The following NUGGC variants were observed in gnomAD, a reference collection of about 807,000 sequenced individuals.
NUGGC encodes nuclear GTPase SLIP-GC.
NUGGC carries 58 observed loss-of-function variants against 92.6 expected under a neutral mutation model. The observed-to-expected ratio is 0.63, with a 90% CI of 0.51 to 0.78. NUGGC has a LOEUF of 0.78. Ranked by LOEUF, NUGGC falls within the 30% of genes least tolerant of loss-of-function variation. The pLI is 0.00. For synonymous variants in NUGGC, 376 were observed against 366.4 expected, an observed-to-expected ratio of 1.03 and a Z score of -0.30; for missense variants, 925 against 964.6, an observed-to-expected ratio of 0.96 and a Z score of 0.54.
chr8:28,031,281 T>A lies in NUGGC; in HGVS notation c.1870A>T (p.Lys624Ter), dbSNP rs759158439. 1 of 1,613,926 alleles carries A rather than the reference T, an allele frequency of 6.2e-7. No homozygotes were observed. Among genetic ancestry groups the A allele is most frequent in the African/African-American group, 1.3e-5 (1 of 74,948 alleles). Reference protein sequence around the residue: ...MTEIGIRSGWKYDSCKKNFLI... With the variant: ...MTEIGIRSGW ...AAATTTTTTTTGCAGCTATCATATT[T>A]CCAGCCACTTCTTATCCCAATTTCT... Residue 624 changes from lysine (K) to a stop codon, truncating the protein, a stop_gained, in exon 15 of 19, where the codon AAA becomes TAA. Coordinates refer to ENST00000413272, the MANE Select transcript of NUGGC (RefSeq NM_001010906.2). LOFTEE classifies it high-confidence loss of function.
At position 28,023,314 on chromosome 8, in the gene NUGGC, G is replaced by T. The variant is rs775199896; in HGVS notation, c.*3C>A. 2 of 1,612,760 alleles carry T rather than the reference G, an allele frequency of 1.2e-6. No homozygotes were observed. The highest frequency in any genetic ancestry group is 3.3e-5 in the Admixed American group (2 of 59,836). Reference sequence around the variant, plus strand: ...TTCATCCATTGGGACTAAGCCCCAGGAGTTACAGTGATGTCCCGGGGGGGC... The same window carrying T: ...TTCATCCATTGGGACTAAGCCCCAGTAGTTACAGTGATGTCCCGGGGGGGC... On this transcript the variant is annotated 3_prime_UTR_variant, in exon 19 of 19. Transcript: ENST00000413272.
At chr8:28,076,783 T>C (rs1810733385) in intron 1 of NUGGC, among the ~76,000 whole-genome samples, 1 of 152,316 alleles carries the variant, frequency 6.6e-6, no homozygotes, top group East Asian at 1.9e-4. Flanking sequence ...GCCTTCATGG[T>C]GGTCTTCAAA....
At chr8:28,040,031 G>A (rs1028967868) in intron 13 of NUGGC, among the ~76,000 whole-genome samples, 1 of 152,148 alleles carries the variant, frequency 6.6e-6, no homozygotes, top group African/African-American at 2.4e-5. Flanking sequence ...CAGCAAAAAT[G>A]TGGCCATCTA....
intron 5 of NUGGC, among the ~76,000 whole-genome samples, chr8:28,067,998 A>G (rs749803120): frequency 7.2e-5 from 11 of 152,188 alleles, no homozygotes; most frequent in Admixed American, 3.3e-4. Context: ...CAACAAAGGC[A>G]TGAGCTGTAT....
At chr8:28,047,693 T>C in intron 10 of NUGGC, 81 bp from the exon 11 acceptor site, 1 of 743,218 alleles carries the variant, frequency 1.3e-6, no homozygotes, top group Non-Finnish European at 2.2e-6. Context: ...ACAAGAGCCT[T>C]CAGCCAATTT....
chr8:28,029,407 C>A lies in NUGGC; in HGVS notation c.2018-5G>T, dbSNP rs769996522. On this transcript the variant is annotated splice_region_variant and splice_polypyrimidine_tract_variant and intron_variant, in intron 16 of 18. Transcript: ENST00000413272. ...TGCCCGTGATCTGAGCTGCCTCTGG[C>A]AAAAATGATAGCCACAGTCACACCA... 1.9e-6 allele frequency: 3 copies of A among 1,611,276 alleles called. No homozygotes were observed. The highest frequency in any genetic ancestry group is 2.2e-5 in the South Asian group (2 of 90,412).
intron 12 of NUGGC, among the ~76,000 whole-genome samples, chr8:28,042,210 T>C (rs1809718117): frequency 6.6e-6 from 1 of 152,182 alleles, no homozygotes; most frequent in Admixed American, 6.5e-5. Flanking sequence ...GGTATGTCTT[T>C]ATCAGCAGCA....
intron 12 of NUGGC, among the ~76,000 whole-genome samples, chr8:28,044,643 A>AG (rs1554486362): frequency 6.6e-6 from 1 of 152,140 alleles, no homozygotes; most frequent in Admixed American, 6.5e-5. Flanking sequence ...ATTGTTACAG[A>AG]GTTATTCTTT....
At chr8:28,047,707 C>T in intron 10 of NUGGC, 95 bp from the exon 11 acceptor site, 1 of 702,928 alleles carries the variant, frequency 1.4e-6, no homozygotes, top group Non-Finnish European at 2.4e-6. Context: ...CCAATTTCAG[C>T]TCACTCATTT....
intron 7 of NUGGC, 26 bp from the exon 8 acceptor site, chr8:28,060,627 T>G (rs947701254): frequency 6.3e-7 from 1 of 1,599,916 alleles, no homozygotes; most frequent in African/African-American, 1.3e-5. Flanking sequence ...ACGGCATGTG[T>G]CAGCACAGGA....
intron 18 of NUGGC, among the ~76,000 whole-genome samples, chr8:28,024,886 G>A (rs912536094): frequency 6.6e-6 from 1 of 152,170 alleles, no homozygotes; most frequent in African/African-American, 2.4e-5. Context: ...CAAGAATAAC[G>A]ATCTGAAGTC....
chr8:28,058,766 G>T (rs1311704496), intron 8 of NUGGC, among the ~76,000 whole-genome samples: 1 of 151,422 alleles, frequency 6.6e-6, no homozygotes. Context: ...GCAGTGGTAC[G>T]ATCTCAGCTC....
At chr8:28,029,832 A>G (rs1040094640) in intron 16 of NUGGC, among the ~76,000 whole-genome samples, 6 of 152,156 alleles carry the variant, frequency 3.9e-5, no homozygotes, top group Admixed American at 2.6e-4. Context: ...CAACAAATAT[A>G]TATATACTTA....
chr8:28,026,827 C>T (rs943582370), intron 18 of NUGGC, 135 bp downstream of exon 18: 2 of 657,202 alleles, frequency 3.0e-6, no homozygotes, highest in Non-Finnish European at 2.8e-6. Context: ...CCATTCCTTG[C>T]CCTGCTAATT....
intron 13 of NUGGC, among the ~76,000 whole-genome samples, chr8:28,040,391 A>C (rs181067052): frequency 1.3e-3 from 202 of 152,334 alleles, no homozygotes; most frequent in African/African-American, 4.6e-3. Context: ...TAGGGCAAGC[A>C]TTGAGCATCC....
chr8:28,048,584 C>A (rs1224923866), intron 10 of NUGGC, among the ~76,000 whole-genome samples: 1 of 152,052 alleles, frequency 6.6e-6, no homozygotes, highest in Non-Finnish European at 1.5e-5. Flanking sequence ...AAACATTAGT[C>A]TGGGTGCGGT....
At chr8:28,038,694 T>A (rs548533581) in intron 13 of NUGGC, among the ~76,000 whole-genome samples, 1 of 152,358 alleles carries the variant, frequency 6.6e-6, no homozygotes, top group African/African-American at 2.4e-5. Context: ...GATTTATAGA[T>A]GTTAAACTAT....
At chr8:28,039,629 G>A (rs895072004) in intron 13 of NUGGC, among the ~76,000 whole-genome samples, 11 of 152,152 alleles carry the variant, frequency 7.2e-5, no homozygotes, top group Non-Finnish European at 1.3e-4. Context: ...GGTGCACATA[G>A]AAAAGCCTCC....
At chr8:28,026,320 T>C (rs1414216919) in intron 18 of NUGGC, among the ~76,000 whole-genome samples, 1 of 152,222 alleles carries the variant, frequency 6.6e-6, no homozygotes, top group Non-Finnish European at 1.5e-5. Flanking sequence ...TAAATTTGGC[T>C]AGAAATTACT....
Sources: gnomAD v4.1 joint callset for allele counts (sites outside exome capture counted in the v4.1 genomes callset) on GRCh38, gnomAD v4.1.1 for gene constraint, MANE v1.5 for transcripts, NCBI Gene and HGNC (gene_info 2026-07-23, HGNC 2026-07-21) for gene names.